Variants in FIBCD1 observed in about 807,000 individuals in gnomAD.
FIBCD1 encodes the protein fibrinogen C domain containing 1.
In FIBCD1, 47 loss-of-function variants were observed where a neutral mutation model predicts 45.1. That is an observed-to-expected ratio of 1.04 (90% confidence interval 0.82 to 1.33). The LOEUF (loss-of-function observed/expected upper bound fraction) is 1.33, where lower values mean the gene tolerates loss of function less well. Ranked by LOEUF, FIBCD1 falls within the 40% of genes most tolerant of loss-of-function variation. The pLI is 0.00. For missense variants in FIBCD1, 653 were observed against 682.2 expected, an observed-to-expected ratio of 0.96 and a Z score of 0.48; for synonymous variants, 313 against 308.1, an observed-to-expected ratio of 1.02 and a Z score of -0.17.
chr9:130,931,233 C>T (rs1050998841), intron 1 of FIBCD1, among the ~76,000 whole-genome samples: 6 of 152,264 alleles, frequency 3.9e-5, no homozygotes, highest in African/African-American at 7.2e-5. Context: ...GAACGGGACC[C>T]GGCGAGGTAG....
chr9:130,910,456 C>G lies in FIBCD1; in HGVS notation c.946+1336G>C, dbSNP rs562776679. Among the ~76,000 whole-genome samples the G allele has an allele frequency of 1.2e-3, 180 of 152,358 alleles. 1 individual carries two copies. The highest frequency in any genetic ancestry group is 4.1e-3 in the African/African-American group (172 of 41,592). ...CGAGCCTCCCTGACGAGCGCCACCC[C>G]CTGCTCCACAGCGCCCGGTCCCATC... On this transcript the variant is annotated intron_variant, in intron 5 of 6. Transcript: ENST00000372338.
chr9:130,923,910 G>A, intron 3 of FIBCD1, 30 bp from the exon 4 acceptor site: 1 of 1,611,246 alleles, frequency 6.2e-7, no homozygotes, highest in Admixed American at 1.7e-5. Flanking sequence ...CAGGGTGGCT[G>A]CGGCCCCAGC....
chr9:130,914,679 G>C (rs1463064309), intron 4 of FIBCD1, among the ~76,000 whole-genome samples: 1 of 152,218 alleles, frequency 6.6e-6, no homozygotes, highest in East Asian at 1.9e-4. Context: ...CGGTAGCCCA[G>C]ACCACAGCCT....
chr9:130,910,357 C>T (rs1284690808), intron 5 of FIBCD1, among the ~76,000 whole-genome samples: 1 of 152,220 alleles, frequency 6.6e-6, no homozygotes, highest in Non-Finnish European at 1.5e-5. Context: ...GCTGCCTTCC[C>T]GCGGGCCAGG....
rs1181886973 is a variant in FIBCD1 at position 130,903,889 on chromosome 9, G to A, written c.*175C>T. 6 of 795,762 alleles carry A rather than the reference G, an allele frequency of 7.5e-6. No individual in the cohort carries two copies. Among genetic ancestry groups the A allele is most frequent in the African/African-American group, 1.7e-5 (1 of 58,708 alleles). The allele number at this position is 795,762 out of a possible 1,614,324, so 49.3% of individuals were successfully genotyped here. On this transcript the variant is annotated 3_prime_UTR_variant, in exon 7 of 7. Transcript: ENST00000372338. ...ATGGAGGGGGTGGGGACGGCGAGAAGGCGATGTGTGACTTCACCGGCCCAG... is the reference window on the plus strand; with the variant it reads ...ATGGAGGGGGTGGGGACGGCGAGAAAGCGATGTGTGACTTCACCGGCCCAG...
chr9:130,918,213 A>T (rs966733904), intron 4 of FIBCD1, among the ~76,000 whole-genome samples: 1 of 152,258 alleles, frequency 6.6e-6, no homozygotes, highest in African/African-American at 2.4e-5. Context: ...ACAGCATTCA[A>T]CAGAGCTTGC....
intron 4 of FIBCD1, among the ~76,000 whole-genome samples, chr9:130,917,887 G>T (rs1174122941): frequency 1.3e-5 from 2 of 152,142 alleles, no homozygotes; most frequent in African/African-American, 4.8e-5. Context: ...CTCAGTCCCA[G>T]GGAGCTCCCT....
chr9:130,938,439 C>T (rs2133131823), intron 1 of FIBCD1, 97 bp downstream of exon 1: 1 of 1,103,254 alleles, frequency 9.1e-7, no homozygotes, highest in Non-Finnish European at 1.2e-6. Flanking sequence ...GGGTGCGCCC[C>T]AAACTCCAGC....
intron 4 of FIBCD1, among the ~76,000 whole-genome samples, chr9:130,916,967 A>G (rs1016525073): frequency 2.6e-5 from 4 of 151,960 alleles, no homozygotes; most frequent in Non-Finnish European, 4.4e-5. Context: ...GTGTGGTGGC[A>G]GGCGCCTTTA....
intron 4 of FIBCD1, among the ~76,000 whole-genome samples, chr9:130,912,390 CTCAAAA>C (rs1156918629): frequency 1.2e-5 from 1 of 83,810 alleles, no homozygotes; most frequent in Non-Finnish European, 2.2e-5. Flanking sequence ...TGGGCTCTCT[CTCAAAA>C]AAAAAAAAAA....
At chr9:130,929,444 A>G (rs1412789021) in intron 2 of FIBCD1, 123 bp downstream of exon 2, 1 of 1,283,136 alleles carries the variant, frequency 7.8e-7, no homozygotes, top group African/African-American at 1.5e-5. Context: ...GAACAGCAGT[A>G]GCCCCTTGTC....
chr9:130,903,854 G>C lies in FIBCD1; in HGVS notation c.*210C>G, dbSNP rs931103643. On this transcript the variant is annotated 3_prime_UTR_variant, in exon 7 of 7. Transcript: ENST00000372338. ...CCATCAGCAGAGGCAAGAGATCAGT[G>C]AGCTGCCAAATGGAGGGGGTGGGGA... is the stretch of plus-strand genomic sequence containing the variant. The C allele has an allele frequency of 2.8e-5, 19 of 670,178 alleles. No homozygotes were observed. The highest frequency in any genetic ancestry group is 5.1e-5 in the Non-Finnish European group (19 of 371,142). The allele number at this position is 670,178 out of a possible 1,614,324, so 41.5% of individuals were successfully genotyped here. A position where few individuals can be genotyped will look rare whatever the true frequency, so the allele number is the denominator to read the frequency against.
chr9:130,908,624 T>C, intron 5 of FIBCD1, among the ~76,000 whole-genome samples: 1 of 152,056 alleles, frequency 6.6e-6, no homozygotes, highest in East Asian at 1.9e-4. Context: ...TTCCTAAGCC[T>C]CAACTTCCTC....
chr9:130,905,474 A>G, intron 5 of FIBCD1, 61 bp from the exon 6 acceptor site: 1 of 1,512,036 alleles, frequency 6.6e-7, no homozygotes, highest in Non-Finnish European at 9.0e-7. Context: ...CTCCCCAGGG[A>G]GAAATGATAA....
intron 4 of FIBCD1, among the ~76,000 whole-genome samples, chr9:130,916,807 G>A (rs958434205): frequency 2.1e-5 from 3 of 144,628 alleles, no homozygotes; most frequent in South Asian, 4.6e-4. Context: ...AGGCAAAAAG[G>A]GGTGGGGAGT....
rs375911377 is a variant in FIBCD1 at position 130,911,862 on chromosome 9, G to A, written c.876C>T (p.Ser292=). Residue 292 remains serine (S), a synonymous_variant, in exon 5 of 7, where the codon TCC becomes TCT. Transcript: ENST00000372338. Reference sequence around the variant, plus strand: ...CATCCCAGCCCCGGAAGAAGTTCACGGAGCCGTCCTCCCGGCGCTGAAACA... The same window carrying A: ...CATCCCAGCCCCGGAAGAAGTTCACAGAGCCGTCCTCCCGGCGCTGAAACA... ...WTVFQRREDG[S]VNFFRGWDAY... 66 of 1,596,948 alleles carry A rather than the reference G, an allele frequency of 4.1e-5. No homozygotes were observed. Among genetic ancestry groups the A allele is most frequent in the South Asian group, 2.5e-4 (22 of 88,286 alleles).
chr9:130,934,081 G>A (rs1253320383), intron 1 of FIBCD1, among the ~76,000 whole-genome samples: 2 of 152,176 alleles, frequency 1.3e-5, no homozygotes, highest in African/African-American at 4.8e-5. Flanking sequence ...GCAGAGGCTT[G>A]CACAGAGCCT....
chr9:130,923,570 C>T (rs1159454031), intron 4 of FIBCD1, among the ~76,000 whole-genome samples, 174 bp downstream of exon 4: 2 of 152,140 alleles, frequency 1.3e-5, no homozygotes, highest in Non-Finnish European at 2.9e-5. Flanking sequence ...GTCCCCTGTT[C>T]CCCTCTTCTG....
Position 130,922,897 on chromosome 9 carries a change from C to G in FIBCD1, c.849+847G>C, listed in dbSNP as rs1832286232. ...TCCTTCCTGCCCGCACTCAGAAATC[C>G]TCCCTGCTTTAATGGCTCATGAGAA... On this transcript the variant is annotated intron_variant, in intron 4 of 6. Coordinates refer to ENST00000372338, the MANE Select transcript of FIBCD1 (RefSeq NM_032843.5). This position sits in a 1 kb window ranked among gnomAD's most constrained non-coding sequence, Gnocchi z 4.5. Among the ~76,000 whole-genome samples, 1 of 152,168 alleles carries G rather than the reference C, an allele frequency of 6.6e-6. No homozygotes were observed. Among genetic ancestry groups the G allele is most frequent in the African/African-American group, 2.4e-5 (1 of 41,432 alleles).
Sources: allele counts gnomAD v4.1 joint callset (sites outside exome capture counted in the v4.1 genomes callset), GRCh38; gene constraint gnomAD v4.1.1; non-coding constraint Gnocchi (gnomAD v3.1); transcripts MANE v1.5; gene names NCBI Gene and HGNC (gene_info 2026-07-23, HGNC 2026-07-21).